The following BFSP2 variants were observed in gnomAD, a reference collection of about 807,000 sequenced individuals.
BFSP2 encodes the protein phakinin.
In BFSP2, 38 loss-of-function variants were observed where a neutral mutation model predicts 44.9. The observed-to-expected ratio is 0.85, with a 90% CI of 0.65 to 1.11. The LOEUF (loss-of-function observed/expected upper bound fraction) is 1.11, where lower values mean the gene tolerates loss of function less well. BFSP2 is among the 50% of genes least tolerant of loss of function. The pLI, the probability that BFSP2 is intolerant of heterozygous loss-of-function variation, is 0.00. For missense variants in BFSP2, 525 were observed against 533.0 expected (o/e 0.99, Z 0.15); for synonymous variants, 197 against 209.9 (o/e 0.94, Z 0.53).
chr3:133,439,541 G>C (rs2073823975), intron 1 of BFSP2, among the ~76,000 whole-genome samples: 1 of 152,206 alleles, frequency 6.6e-6, no homozygotes, highest in South Asian at 2.1e-4. Flanking sequence ...AGTATGGGGA[G>C]TACTGAGGAT....
intron 1 of BFSP2, chr3:133,410,835 G>T: frequency 5.8e-6 from 1 of 173,632 alleles, no homozygotes; most frequent in South Asian, 1.6e-4. Context: ...CTAACCGCTG[G>T]ACCTAAGTCA....
intron 1 of BFSP2, among the ~76,000 whole-genome samples, chr3:133,405,866 T>C (rs984163818): frequency 3.3e-5 from 5 of 152,166 alleles, no homozygotes; most frequent in African/African-American, 1.2e-4. Flanking sequence ...GGAAGAAATA[T>C]TTTGATGGGA....
chr3:133,429,271 C>T (rs2073684485), intron 1 of BFSP2: 1 of 152,160 alleles, frequency 6.6e-6, no homozygotes, highest in Admixed American at 6.5e-5. Flanking sequence ...TCCAGGGAAA[C>T]ATAACCATAG....
chr3:133,437,726 A>G (rs1000010032), intron 1 of BFSP2, among the ~76,000 whole-genome samples: 1 of 152,328 alleles, frequency 6.6e-6, no homozygotes, highest in African/African-American at 2.4e-5. Flanking sequence ...TGATTCAAAC[A>G]TGGGGGTAAT....
At chr3:133,443,415 A>C (rs541545087) in intron 1 of BFSP2, among the ~76,000 whole-genome samples, 4 of 152,350 alleles carry the variant, frequency 2.6e-5, no homozygotes, top group African/African-American at 9.6e-5. Flanking sequence ...TAGAGGTCAG[A>C]TAAGGAAGAA....
At position 133,444,403 on chromosome 3, in the gene BFSP2, T is replaced by C. The variant is rs1362025317; in HGVS notation, c.490-2914T>C. ...AGGGAGTATTATTATCTTCATTTTA[T>C]GGGGGAGGAAACCAAATCTTAGAAT... On this transcript the variant is annotated intron_variant, in intron 1 of 6. Transcript: ENST00000302334. 7.2e-5 allele frequency among the ~76,000 whole-genome samples: 11 copies of C among 152,164 alleles called. No homozygotes were observed. The South Asian group carries it at 8.3e-4, about 11-fold the overall frequency.
chr3:133,432,780 C>G (rs1258789984), intron 1 of BFSP2, among the ~76,000 whole-genome samples: 1 of 152,134 alleles, frequency 6.6e-6, no homozygotes, highest in Non-Finnish European at 1.5e-5. Flanking sequence ...TCTCTCAAAC[C>G]CCAGCACCTT....
At chr3:133,450,086 A>G (rs865841974) in intron 3 of BFSP2, among the ~76,000 whole-genome samples, 1 of 148,300 alleles carries the variant, frequency 6.7e-6, no homozygotes, top group African/African-American at 2.5e-5. Context: ...GGAAGGAAGG[A>G]AGGGAGGGAG....
chr3:133,411,260 T>A (rs546564716), intron 1 of BFSP2, among the ~76,000 whole-genome samples: 1 of 150,872 alleles, frequency 6.6e-6, no homozygotes, highest in East Asian at 1.9e-4. Context: ...TGGTAAATAA[T>A]GAGAGAAAAT....
chr3:133,440,488 G>C (rs984331614), intron 1 of BFSP2, among the ~76,000 whole-genome samples: 2 of 152,090 alleles, frequency 1.3e-5, no homozygotes, highest in Non-Finnish European at 2.9e-5. Flanking sequence ...TAAACAACCA[G>C]GACTGTGTTA....
intron 4 of BFSP2, among the ~76,000 whole-genome samples, chr3:133,463,416 T>G (rs1172854978): frequency 6.6e-6 from 1 of 152,236 alleles, no homozygotes; most frequent in Non-Finnish European, 1.5e-5. Context: ...TTTGACCTTT[T>G]GACTTGGGGA....
intron 5 of BFSP2, among the ~76,000 whole-genome samples, chr3:133,468,495 C>T (rs1451785756): frequency 6.6e-6 from 1 of 152,086 alleles, no homozygotes; most frequent in African/African-American, 2.4e-5. Context: ...GCTGGAACAC[C>T]CAAAAATGGC....
chr3:133,454,641 G>A (rs1054858144), intron 4 of BFSP2, among the ~76,000 whole-genome samples: 1 of 152,158 alleles, frequency 6.6e-6, no homozygotes, highest in Non-Finnish European at 1.5e-5. Context: ...ACAGTGCCCA[G>A]AACTCAAGGA....
intron 1 of BFSP2, chr3:133,412,464 G>A (rs1030645924): frequency 3.3e-5 from 5 of 152,232 alleles, no homozygotes; most frequent in East Asian, 1.9e-4. Context: ...ACCGACATAC[G>A]CTGTGGGAGT....
At chr3:133,410,881 G>A in intron 1 of BFSP2, 1 of 157,748 alleles carries the variant, frequency 6.3e-6, no homozygotes. Flanking sequence ...ACTATGTGAA[G>A]CAATTGAACA....
intron 1 of BFSP2, among the ~76,000 whole-genome samples, chr3:133,440,454 G>A (rs1576580958): frequency 6.6e-6 from 1 of 152,314 alleles, no homozygotes; most frequent in East Asian, 1.9e-4. Flanking sequence ...CTAAAGGGCT[G>A]TCTCACAACA....
At chr3:133,429,797 C>T (rs1159874795) in intron 1 of BFSP2, 1 of 151,088 alleles carries the variant, frequency 6.6e-6, no homozygotes, top group African/African-American at 2.4e-5. Flanking sequence ...GGTACATGTG[C>T]ACAATGTGCA....
In BFSP2 at chr3:133,438,849, G is replaced by A. The variant is rs537909637; in HGVS notation, c.490-8468G>A. ...GCCATGATACTTCAATTGCTGAAGT[G>A]GAGGGATGGGGGGGTCATTATTCTA... On this transcript the variant is annotated intron_variant, in intron 1 of 6. Coordinates refer to ENST00000302334, the MANE Select transcript of BFSP2 (RefSeq NM_003571.4). Among the ~76,000 whole-genome samples, 649 of 152,312 alleles carry A rather than the reference G, an allele frequency of 4.3e-3. 4 individuals carry two copies. The Middle Eastern group carries it at 0.061, about 14-fold the overall frequency.
At chr3:133,413,902 C>G (rs1193333572) in intron 1 of BFSP2, among the ~76,000 whole-genome samples, 1 of 151,916 alleles carries the variant, frequency 6.6e-6, no homozygotes, top group Non-Finnish European at 1.5e-5. Context: ...TAGAAAGCCC[C>G]CGCATTTCAG....
Sources: gnomAD v4.1 joint callset for allele counts (sites outside exome capture counted in the v4.1 genomes callset) on GRCh38, gnomAD v4.1.1 for gene constraint, MANE v1.5 for transcripts, NCBI Gene and HGNC (gene_info 2026-07-23, HGNC 2026-07-21) for gene names.